The following TP53I11 variants were observed in gnomAD, a reference collection of about 807,000 sequenced individuals.
The protein encoded by TP53I11 is tumor protein p53-inducible protein 11.
A neutral mutation model predicts 23.3 loss-of-function variants in TP53I11; 9 were observed. The ratio of observed to expected loss-of-function variants is 0.39; its 90% CI spans 0.23 to 0.67. The LOEUF (loss-of-function observed/expected upper bound fraction) is 0.67. Among genes scored for constraint, TP53I11 ranks in the 30% least tolerant of loss-of-function variants. The pLI, the probability that TP53I11 is intolerant of heterozygous loss-of-function variation, is 0.48. For synonymous variants in TP53I11, 100 were observed against 106.1 expected, an observed-to-expected ratio of 0.94 and a Z score of 0.35; for missense variants, 170 against 255.2, an observed-to-expected ratio of 0.67 and a Z score of 2.27.
At position 44,934,570 on chromosome 11, in the gene TP53I11, C is replaced by A. The variant is rs835992; in HGVS notation, c.*314G>T. On this transcript the variant is annotated 3_prime_UTR_variant, in exon 7 of 7. Coordinates refer to ENST00000525680, the MANE Select transcript of TP53I11 (RefSeq NM_006034.5). ...AGCCCACTACCCTCATGACTCCAGC[C>A]TGACTTTAGTCAGTGTCTATTGAGG... 1.0e-5 allele frequency: 3 copies of A among 296,836 alleles called. No homozygotes were observed. Among genetic ancestry groups the A allele is most frequent in the Non-Finnish European group, 2.0e-5 (3 of 152,738 alleles). The allele number at this position is 296,836 out of a possible 1,614,324, so 18.4% of individuals were successfully genotyped here. A position where few individuals can be genotyped will look rare whatever the true frequency, so the allele number is the denominator to read the frequency against.
chr11:44,944,260 G>A (rs1183299563), intron 1 of TP53I11, among the ~76,000 whole-genome samples: 1 of 152,198 alleles, frequency 6.6e-6, no homozygotes, highest in Non-Finnish European at 1.5e-5. Flanking sequence ...TCAGAAAGCT[G>A]TGGCATCACT....
intron 1 of TP53I11, among the ~76,000 whole-genome samples, chr11:44,948,964 TG>T (rs1250924079): frequency 6.6e-6 from 1 of 152,178 alleles, no homozygotes; most frequent in Non-Finnish European, 1.5e-5. Flanking sequence ...CAGCTGGACA[TG>T]GGTGAAGGGG....
At chr11:44,948,490 G>C (rs1389724361) in intron 1 of TP53I11, among the ~76,000 whole-genome samples, 1 of 151,926 alleles carries the variant, frequency 6.6e-6, no homozygotes, top group East Asian at 1.9e-4. Context: ...TGACAACCCG[G>C]TCCCTGGCCT....
intron 2 of TP53I11, 44 bp from the exon 3 acceptor site, chr11:44,937,657 C>T (rs1293105145): frequency 4.4e-6 from 7 of 1,591,018 alleles, no homozygotes; most frequent in Non-Finnish European, 6.0e-6. Flanking sequence ...GAGGGCAGCT[C>T]TCAGCGCCCC....
chr11:44,938,228 G>C lies in TP53I11; in HGVS notation c.108C>G (p.Asp36Glu), dbSNP rs370273432. The change falls in exon 2 of 7, where the codon GAC becomes GAG. Residue 36 changes from aspartate to glutamate, a missense_variant. Coordinates refer to ENST00000525680, the MANE Select transcript of TP53I11 (RefSeq NM_006034.5). ...CCACCTTGGAGCGATGCACCTCCCC[G>C]TCGTCATCCTCCCCGCCCACGCCGA... is the stretch of plus-strand genomic sequence containing the variant. ...KILGVGGEDD[D>E]GEVHRSKISQ... The C allele has an allele frequency of 1.2e-6, 2 of 1,612,904 alleles. No individual in the cohort carries two copies. The highest frequency in any genetic ancestry group is 2.7e-5 in the African/African-American group (2 of 74,878).
chr11:44,937,631 C>T lies in TP53I11; in HGVS notation c.130-18G>A. Reference sequence around the variant, plus strand: ...TGGCTGATCTGTGGACAGAGGGGGTCAGAGGCAACCAGGGTGAGGGCAGCT... The same window carrying T: ...TGGCTGATCTGTGGACAGAGGGGGTTAGAGGCAACCAGGGTGAGGGCAGCT... On this transcript the variant is annotated intron_variant, in intron 2 of 6. Transcript: ENST00000525680. 6.2e-7 allele frequency: 1 copy of T among 1,612,498 alleles called. No homozygotes were observed. The highest frequency in any genetic ancestry group is 2.2e-5 in the East Asian group (1 of 44,848).
chr11:44,935,982 G>C, intron 5 of TP53I11: 1 of 428,648 alleles, frequency 2.3e-6, no homozygotes, highest in Non-Finnish European at 4.2e-6. Flanking sequence ...GCCCATGTCC[G>C]GTTCTGTCAG....
rs1388312755 is a variant in TP53I11, at chr11:44,933,523, T to C, written c.*1361A>G. 2 of 153,882 alleles carry C rather than the reference T, an allele frequency of 1.3e-5. No homozygotes were observed. The highest frequency in any genetic ancestry group is 4.8e-5 in the African/African-American group (2 of 41,348). The allele number at this position is 153,882 out of a possible 1,614,324, so 9.5% of individuals were successfully genotyped here. On this transcript the variant is annotated 3_prime_UTR_variant, in exon 7 of 7. Transcript: ENST00000525680. Reference sequence around the variant, plus strand: ...AGGTTGGGATCAGGGACTAACGGGGTGTACAGCACAGGCTGGTGGGCCCTC... The same window carrying C: ...AGGTTGGGATCAGGGACTAACGGGGCGTACAGCACAGGCTGGTGGGCCCTC...
chr11:44,941,288 T>C (rs1401079980), intron 1 of TP53I11, among the ~76,000 whole-genome samples: 1 of 152,220 alleles, frequency 6.6e-6, no homozygotes, highest in Non-Finnish European at 1.5e-5. Context: ...TTTTCCTCTC[T>C]GAGCTCCGGG....
Position 44,934,768 on chromosome 11 carries a change from G to T in TP53I11, c.*116C>A. 4 of 1,422,100 alleles carry T rather than the reference G, an allele frequency of 2.8e-6. No individual in the cohort carries two copies. The highest frequency in any genetic ancestry group is 3.8e-6 in the Non-Finnish European group (4 of 1,055,762). The allele number at this position is 1,422,100 out of a possible 1,614,324, so 88.1% of individuals were successfully genotyped here. On this transcript the variant is annotated 3_prime_UTR_variant, in exon 7 of 7. Coordinates refer to ENST00000525680, the MANE Select transcript of TP53I11 (RefSeq NM_006034.5). ...AAGGCCCCCCACCCCCTGCCTCCCT[G>T]GGGCAGGACTGGGGCAGGGCAGGGG...
intron 4 of TP53I11, 155 bp downstream of exon 4, chr11:44,937,149 C>T (rs564378293): frequency 2.1e-6 from 2 of 930,512 alleles, no homozygotes; most frequent in Admixed American, 2.1e-5. Flanking sequence ...ACAGGCGTGG[C>T]AGTGTAGGAG....
Position 44,933,043 on chromosome 11 carries a change from A to AGCG in TP53I11, c.*1840_*1841insCGC. 1 of 149,014 alleles carries AGCG rather than the reference A, an allele frequency of 6.7e-6. No homozygotes were observed. Among genetic ancestry groups the AGCG allele is most frequent in the African/African-American group, 2.5e-5 (1 of 40,142 alleles). The allele number at this position is 149,014 out of a possible 1,614,324, so 9.2% of individuals were successfully genotyped here. ...CCACCTGTGGGCAGCAGCGGGAGGCAGTGGTGGCTCGTGGCCAGACCAGGG... is the reference window on the plus strand; with the variant it reads ...CCACCTGTGGGCAGCAGCGGGAGGCAGCGGTGGTGGCTCGTGGCCAGACCAGGG... On this transcript the variant is annotated 3_prime_UTR_variant, in exon 7 of 7. Transcript: ENST00000525680.
In TP53I11 at chr11:44,933,830, G is replaced by T. The variant is rs860693; in HGVS notation, c.*1054C>A. 83 of 154,436 alleles carry T rather than the reference G, an allele frequency of 5.4e-4. No homozygotes were observed. The South Asian group carries it at 8.3e-3, about 15-fold the overall frequency. 9.6% of individuals were successfully genotyped at this position (154,436 alleles called of 1,614,324 possible). A position where few individuals can be genotyped will look rare whatever the true frequency, so the allele number is the denominator to read the frequency against. On this transcript the variant is annotated 3_prime_UTR_variant, in exon 7 of 7. Coordinates refer to ENST00000525680, the MANE Select transcript of TP53I11 (RefSeq NM_006034.5). ...TGGAGGCAGCCCGGGCTGCACGTGTGGGGGGCAGCTCACCGGGAAGCAGGC... is the reference window on the plus strand; with the variant it reads ...TGGAGGCAGCCCGGGCTGCACGTGTTGGGGGCAGCTCACCGGGAAGCAGGC...
chr11:44,932,769 G>A lies in TP53I11; in HGVS notation c.*2115C>T, dbSNP rs948296489. 1.3e-5 allele frequency: 2 copies of A among 152,352 alleles called. No individual in the cohort carries two copies. Among genetic ancestry groups the A allele is most frequent in the Non-Finnish European group, 1.5e-5 (1 of 68,140 alleles). 9.4% of individuals were successfully genotyped at this position (152,352 alleles called of 1,614,324 possible). A position where few individuals can be genotyped will look rare whatever the true frequency, so the allele number is the denominator to read the frequency against. ...CTCTAACCAAGCCACCCAGTATTTT[G>A]TGAGCACAGCTGTGTGCCAGAGCCT... On this transcript the variant is annotated 3_prime_UTR_variant, in exon 7 of 7. Coordinates refer to ENST00000525680, the MANE Select transcript of TP53I11 (RefSeq NM_006034.5).
In TP53I11 at chr11:44,938,434, G is replaced by C. The variant is rs1378330573; in HGVS notation, c.-31-68C>G. On this transcript the variant is annotated intron_variant, in intron 1 of 6. Transcript: ENST00000525680. ...TTCCAGACCCTAGGGGAAGGGGCCT[G>C]ACTAGCGGAAGGCCACACCCCACAC... 2.1e-6 allele frequency: 3 copies of C among 1,426,916 alleles called. No individual in the cohort carries two copies. In the Admixed American group the frequency reaches 8.5e-5, roughly 40 times the overall value. 88.4% of individuals were successfully genotyped at this position (1,426,916 alleles called of 1,614,324 possible).
rs1426575752 is a variant in TP53I11 at position 44,944,335 on chromosome 11, G to A, written c.-31-5969C>T. ...TGTTCTCTGAGCCTGGGACAACTCC[G>A]GGCACAGGAGGAGTTCAACAGGCAT... On this transcript the variant is annotated intron_variant, in intron 1 of 6. Coordinates refer to ENST00000525680, the MANE Select transcript of TP53I11 (RefSeq NM_006034.5). 3.3e-5 allele frequency among the ~76,000 whole-genome samples: 5 copies of A among 152,162 alleles called. No homozygotes were observed. The South Asian group carries it at 1.0e-3, about 32-fold the overall frequency.
At chr11:44,945,558 G>A (rs1219785970) in intron 1 of TP53I11, among the ~76,000 whole-genome samples, 2 of 152,100 alleles carry the variant, frequency 1.3e-5, no homozygotes, top group South Asian at 2.1e-4. Context: ...AACTCCCCCG[G>A]AAAGTCCCTG....
At position 44,937,632 on chromosome 11, in the gene TP53I11, A is replaced by G; in HGVS notation, c.130-19T>C. ...GGCTGATCTGTGGACAGAGGGGGTC[A>G]GAGGCAACCAGGGTGAGGGCAGCTC... On this transcript the variant is annotated intron_variant, in intron 2 of 6. Coordinates refer to ENST00000525680, the MANE Select transcript of TP53I11 (RefSeq NM_006034.5). 6.2e-7 allele frequency: 1 copy of G among 1,612,538 alleles called. No individual in the cohort carries two copies. The highest frequency in any genetic ancestry group is 1.7e-5 in the Admixed American group (1 of 59,960).
chr11:44,950,241 C>T (rs1250188002), intron 1 of TP53I11: 1 of 152,046 alleles, frequency 6.6e-6, no homozygotes, highest in Non-Finnish European at 1.5e-5. Context: ...GAACCGAGCG[C>T]GGGGGACCGA....
Sources: gnomAD v4.1 joint callset for allele counts (sites outside exome capture counted in the v4.1 genomes callset) on GRCh38, gnomAD v4.1.1 for gene constraint, MANE v1.5 for transcripts, NCBI Gene and HGNC (gene_info 2026-07-23, HGNC 2026-07-21) for gene names.